The following CUL9 variants were observed in gnomAD, a reference collection of about 807,000 sequenced individuals.
CUL9 encodes the protein cullin-9.
In CUL9, 79 loss-of-function variants were observed where a neutral mutation model predicts 272.6. That is an observed-to-expected ratio of 0.29 (90% CI 0.24 to 0.35). CUL9 has a LOEUF of 0.35. Ranked by LOEUF, CUL9 falls within the 10% of genes least tolerant of loss-of-function variation. The pLI, the probability that CUL9 is intolerant of heterozygous loss-of-function variation, is 1.00. For missense variants in CUL9, 2,532 were observed against 3,255.6 expected, an observed-to-expected ratio of 0.78 and a Z score of 5.41; for synonymous variants, 1,186 against 1,286.5, an observed-to-expected ratio of 0.92 and a Z score of 1.67.
intron 29 of CUL9, 56 bp from the exon 30 acceptor site, chr6:43,215,023 C>T: frequency 1.3e-6 from 2 of 1,526,580 alleles, no homozygotes; most frequent in Non-Finnish European, 1.8e-6. Context: ...GGCATTGAGC[C>T]CAGCAGCCTG....
chr6:43,206,569 GA>G lies in CUL9; in HGVS notation c.5212+61del. ...GGTGAGATTCGGGGTGGCAAGAGAG[GA>G]AGAGGAGAGGACCTTTGGACAGGAT... On this transcript the variant is annotated intron_variant, in intron 26 of 40. Transcript: ENST00000252050. This position sits in a 1 kb window ranked among gnomAD's most constrained non-coding sequence, Gnocchi z 4.8. The G allele has an allele frequency of 6.6e-7, 1 of 1,520,664 alleles. No individual in the cohort carries two copies. Among genetic ancestry groups the G allele is most frequent in the Non-Finnish European group, 9.1e-7 (1 of 1,096,380 alleles). The allele number at this position is 1,520,664 out of a possible 1,614,324, so 94.2% of individuals were successfully genotyped here.
intron 11 of CUL9, among the ~76,000 whole-genome samples, chr6:43,197,948 A>C (rs1247198983): frequency 6.6e-6 from 1 of 152,246 alleles, no homozygotes; most frequent in Non-Finnish European, 1.5e-5. Flanking sequence ...ATATTGAAAT[A>C]GGAAATACGT....
Position 43,205,036 on chromosome 6 carries a change from C to T in CUL9, c.4553C>T (p.Pro1518Leu), listed in dbSNP as rs758230413. ...AGAGCAGGCTCCGAGCTGTTTGGGC[C>T]TCGGGCAGCCTTCATGCTGGCTCTG... Reference protein sequence around the residue: ...LQRAGSELFGPRAAFMLALRS... With the variant: ...LQRAGSELFGLRAAFMLALRS... Residue 1518 changes from proline to leucine, a missense_variant, in exon 23 of 41, where the codon CCT becomes CTT. Around this residue, in one of 3 missense-constraint regions of CUL9, gnomAD observed 2,218 missense variants for 2,788.6 expected, o/e 0.80. Transcript: ENST00000252050. 6.2e-7 allele frequency: 1 copy of T among 1,612,642 alleles called. No homozygotes were observed. The highest frequency in any genetic ancestry group is 1.1e-5 in the South Asian group (1 of 90,992).
chr6:43,211,702 GACTAA>G (rs1775512674), intron 26 of CUL9, among the ~76,000 whole-genome samples: 1 of 152,076 alleles, frequency 6.6e-6, no homozygotes, highest in Admixed American at 6.6e-5. Context: ...AATGTAGACA[GACTAA>G]ACTCCAACAT....
chr6:43,216,570 A>G, intron 31 of CUL9, 67 bp downstream of exon 31: 1 of 1,433,946 alleles, frequency 7.0e-7, no homozygotes, highest in Non-Finnish European at 9.5e-7. Flanking sequence ...TTCCTTGGGA[A>G]TTCTTGGGTT....
chr6:43,212,025 T>C (rs1775547603), intron 26 of CUL9, among the ~76,000 whole-genome samples: 1 of 152,268 alleles, frequency 6.6e-6, no homozygotes, highest in South Asian at 2.1e-4. Context: ...CTCCTTGCAA[T>C]TATTTCTGGA....
chr6:43,220,449 T>C lies in CUL9; in HGVS notation c.6283-10T>C. ...TGTCTGTGAGCAGCCCCTCCTTTTG[T>C]CCCTCCCAGTCTTGCTGGAATGAGT... is the stretch of plus-strand genomic sequence containing the variant. On this transcript the variant is annotated splice_polypyrimidine_tract_variant and intron_variant, in intron 31 of 40. Transcript: ENST00000252050. The surrounding 1 kb of genome is among the most constrained non-coding windows in gnomAD (Gnocchi z 4.9). 2.5e-6 allele frequency: 4 copies of C among 1,613,900 alleles called. No homozygotes were observed. The highest frequency in any genetic ancestry group is 3.4e-6 in the Non-Finnish European group (4 of 1,179,926).
intron 16 of CUL9, among the ~76,000 whole-genome samples, chr6:43,202,013 T>G (rs1396587464): frequency 5.9e-5 from 9 of 152,160 alleles, no homozygotes; most frequent in Non-Finnish European, 5.9e-5. Flanking sequence ...GTGTATGCAG[T>G]GCTCTAGTAG....
At chr6:43,208,752 T>C (rs980199734) in intron 26 of CUL9, among the ~76,000 whole-genome samples, 6 of 152,234 alleles carry the variant, frequency 3.9e-5, no homozygotes, top group Non-Finnish European at 8.8e-5. Flanking sequence ...GAGAAGTTCT[T>C]AATCTTTTGC....
intron 8 of CUL9, among the ~76,000 whole-genome samples, chr6:43,191,951 C>T (rs1317582433): frequency 1.3e-5 from 2 of 149,576 alleles, no homozygotes; most frequent in Admixed American, 6.7e-5. Flanking sequence ...CCTTATCTCT[C>T]TTCTCATCTA....
chr6:43,204,394 G>A lies in CUL9; in HGVS notation c.4194G>A (p.Leu1398=). The change falls in exon 21 of 41, where the codon CTG becomes CTA. Residue 1398 remains leucine (L), a synonymous_variant. Coordinates refer to ENST00000252050, the MANE Select transcript of CUL9 (RefSeq NM_015089.4). ...GCGTGAGTGCCCTGGGATGGCTGCT[G>A]GATCAGTACTTAGAACAGAGAGAGA... ...AEGVSALGWL[L]DQYLEQRETS... 2 of 1,614,150 alleles carry A rather than the reference G, an allele frequency of 1.2e-6. No individual in the cohort carries two copies. The highest frequency in any genetic ancestry group is 1.7e-6 in the Non-Finnish European group (2 of 1,180,022).
At chr6:43,222,499 G>A (rs973281561) in intron 36 of CUL9, 32 bp from the exon 37 acceptor site, 5 of 1,611,798 alleles carry the variant, frequency 3.1e-6, no homozygotes, top group Middle Eastern at 1.6e-4. Flanking sequence ...TGCGCCACCT[G>A]TGCTGGTACT....
At chr6:43,205,214 C>T in intron 23 of CUL9, 49 bp from the exon 24 acceptor site, 9 of 1,602,290 alleles carry the variant, frequency 5.6e-6, no homozygotes, top group Admixed American at 1.7e-5. Flanking sequence ...CAGTCTCCTA[C>T]TCCACTCCCT....
Position 43,202,923 on chromosome 6 carries a change from CCCTTGGGAAGGTGTTG to C in CUL9, c.3753+108_3753+123del, listed in dbSNP as rs1360687465. 1.0e-5 allele frequency: 13 copies of C among 1,295,054 alleles called. No individual in the cohort carries two copies. In the East Asian group the frequency reaches 2.8e-4, roughly 28 times the overall value. The allele number at this position is 1,295,054 out of a possible 1,614,324, so 80.2% of individuals were successfully genotyped here. On this transcript the variant is annotated intron_variant, in intron 17 of 40. Transcript: ENST00000252050. ...CCCTGGGGAATGGTGACATCCCTTC[CCCTTGGGAAGGTGTTG>C]CCTTGTAAGCAGTGAGAGTGGGATT... is the stretch of plus-strand genomic sequence containing the variant.
At chr6:43,196,607 GTC>G (rs1436151433) in intron 10 of CUL9, 36 bp from the exon 11 acceptor site, 1 of 1,537,894 alleles carries the variant, frequency 6.5e-7, no homozygotes, top group Non-Finnish European at 9.0e-7. Context: ...TGCATTCATG[GTC>G]TCTCAGTTTC....
rs753073811 is a variant in CUL9, at chr6:43,206,454, G to A, written c.5156G>A (p.Cys1719Tyr). The A allele has an allele frequency of 6.2e-7, 1 of 1,614,210 alleles. No homozygotes were observed. Among genetic ancestry groups the A allele is most frequent in the South Asian group, 1.1e-5 (1 of 91,080 alleles). ...TGCTACCTGTACCATCCCAGAAAGT[G>A]CCTTCCCACAGAATTCTGTGATGCC... ...PLCYLYHPRK[C>Y]LPTEFCDALD... Residue 1719 changes from cysteine to tyrosine, a missense_variant, in exon 26 of 41, where the codon TGC becomes TAC. Physicochemically the swap from Cys to Tyr is radical, Grantham distance 194. Coordinates refer to ENST00000252050, the MANE Select transcript of CUL9 (RefSeq NM_015089.4). The surrounding 1 kb of genome is among the most constrained non-coding windows in gnomAD (Gnocchi z 4.8).
chr6:43,183,572 C>A (rs182830006), intron 1 of CUL9, among the ~76,000 whole-genome samples: 5 of 152,314 alleles, frequency 3.3e-5, no homozygotes, highest in Admixed American at 2.6e-4. Flanking sequence ...TGTCATTCTT[C>A]TAAGTCCTAA....
Position 43,196,599 on chromosome 6 carries a change from C to T in CUL9, c.2586-46C>T, listed in dbSNP as rs972853601. On this transcript the variant is annotated intron_variant, in intron 10 of 40. Transcript: ENST00000252050. ...TATGCTTGCTTTGCTGCTTCCATTGCATTCATGGTCTCTCAGTTTCTTCCT... is the reference window on the plus strand; with the variant it reads ...TATGCTTGCTTTGCTGCTTCCATTGTATTCATGGTCTCTCAGTTTCTTCCT... 6.0e-6 allele frequency: 9 copies of T among 1,500,354 alleles called. No homozygotes were observed. The Admixed American group carries it at 1.2e-4, about 19-fold the overall frequency. The allele number at this position is 1,500,354 out of a possible 1,614,324, so 92.9% of individuals were successfully genotyped here.
chr6:43,187,531 G>C, intron 6 of CUL9, 92 bp downstream of exon 6: 2 of 1,418,084 alleles, frequency 1.4e-6, no homozygotes, highest in Non-Finnish European at 1.9e-6. Context: ...ACCGCTTAGG[G>C]GGAGGCTGGA....
Sources: gnomAD v4.1 joint callset for allele counts (sites outside exome capture counted in the v4.1 genomes callset) on GRCh38, gnomAD v4.1.1 for gene constraint, gnomAD v4.1.1 regional missense constraint, Gnocchi (gnomAD v3.1) non-coding constraint, MANE v1.5 for transcripts, NCBI Gene and HGNC (gene_info 2026-07-23, HGNC 2026-07-21) for gene names.